Variants in ZNF324 observed in about 807,000 individuals in gnomAD.
The protein encoded by ZNF324 is zinc finger protein 324.
In ZNF324, 3 loss-of-function variants were observed where a neutral mutation model predicts 10.3. The ratio of observed to expected loss-of-function variants is 0.29; its 90% CI spans 0.13 to 0.75. The LOEUF (loss-of-function observed/expected upper bound fraction) is 0.75. Ranked by LOEUF, ZNF324 falls within the 30% of genes least tolerant of loss-of-function variation. ZNF324 has a pLI of 0.69. For missense variants in ZNF324, 763 were observed against 784.4 expected (o/e 0.97, Z 0.33); for synonymous variants, 430 against 339.5 (o/e 1.27, Z -2.93).
chr19:58,472,408 G>C lies in ZNF324; in HGVS notation c.*254G>C, dbSNP rs2053045112. The C allele has an allele frequency of 1.9e-6, 1 of 530,268 alleles. No homozygotes were observed. The highest frequency in any genetic ancestry group is 3.4e-6 in the Non-Finnish European group (1 of 298,482). The allele number at this position is 530,268 out of a possible 1,614,324, so 32.8% of individuals were successfully genotyped here. ...GTGGTGGCTGAACTCTAGTGGGGCC[G>C]AGACTATTCAGAGCCAGTAGGAGGC... On this transcript the variant is annotated 3_prime_UTR_variant, in exon 4 of 4. Coordinates refer to ENST00000196482, the MANE Select transcript of ZNF324 (RefSeq NM_014347.3).
intron 2 of ZNF324, 21 bp downstream of exon 2, chr19:58,469,327 T>G (rs2053007749): frequency 1.2e-6 from 2 of 1,609,774 alleles, no homozygotes; most frequent in African/African-American, 2.7e-5. Context: ...AGATACTCCA[T>G]GAAATGGGCA....
chr19:58,469,929 CCCT>C, intron 3 of ZNF324, 85 bp downstream of exon 3: 1 of 1,005,018 alleles, frequency 1.0e-6, no homozygotes, highest in Non-Finnish European at 1.5e-6. Flanking sequence ...CCCAGAAGCA[CCCT>C]CCTCCCCTCC....
Position 58,475,194 on chromosome 19 carries a change from C to G in ZNF324, c.*3040C>G, listed in dbSNP as rs3794969. The stretch of plus-strand genomic sequence containing the variant: ...ATGCTCGGTGCTTCCAATCGGTGAT[C>G]AAGACCACTGCTCTTCATCCAGAGC... On this transcript the variant is annotated 3_prime_UTR_variant, in exon 4 of 4. Coordinates refer to ENST00000196482, the MANE Select transcript of ZNF324 (RefSeq NM_014347.3). 1 of 152,152 alleles carries G rather than the reference C, an allele frequency of 6.6e-6. No individual in the cohort carries two copies. The highest frequency in any genetic ancestry group is 1.5e-5 in the Non-Finnish European group (1 of 68,038). 9.4% of individuals were successfully genotyped at this position (152,152 alleles called of 1,614,324 possible).
Position 58,472,131 on chromosome 19 carries a change from G to T in ZNF324, c.1639G>T (p.Val547Phe). Residue 547 changes from valine (V) to phenylalanine (F), a missense_variant, in exon 4 of 4, where the codon GTC becomes TTC. By Grantham distance (50) the Val-to-Phe change is conservative (BLOSUM62 -1). Coordinates refer to ENST00000196482, the MANE Select transcript of ZNF324 (RefSeq NM_014347.3). ...CACTCCCGCCTCGGGCCCAGCCGCC[G>T]TCTCGCAGCCAGCGGAGGTCTGAGG... is the stretch of plus-strand genomic sequence containing the variant. Reference protein sequence around the residue: ...EPTPASGPAAVSQPAEV With the variant: ...EPTPASGPAAFSQPAEV 1 of 1,587,490 alleles carries T rather than the reference G, an allele frequency of 6.3e-7. No individual in the cohort carries two copies. The highest frequency in any genetic ancestry group is 8.6e-7 in the Non-Finnish European group (1 of 1,168,172).
intron 1 of ZNF324, chr19:58,467,444 G>A (rs2052991532): frequency 6.6e-6 from 1 of 152,216 alleles, no homozygotes. Flanking sequence ...GGAAAGGCTG[G>A]GTGGTCCACG....
chr19:58,471,998 C>G lies in ZNF324; in HGVS notation c.1506C>G (p.Ile502Met). 6.2e-7 allele frequency: 1 copy of G among 1,608,504 alleles called. No homozygotes were observed. Among genetic ancestry groups the G allele is most frequent in the Non-Finnish European group, 8.5e-7 (1 of 1,179,712 alleles). The change falls in exon 4 of 4, where the codon ATC becomes ATG. Residue 502 changes from isoleucine (I) to methionine (M), a missense_variant. Physicochemically the swap from Ile to Met is conservative, Grantham distance 10 (BLOSUM62 1). This residue lies in a region of ZNF324 where 231 missense variants were observed against 196.0 expected (regional missense o/e 1.18). Transcript: ENST00000196482. Reference protein sequence around the residue: ...ERPALFHHQRIHTGEKTVRRS... With the variant: ...ERPALFHHQRMHTGEKTVRRS... Reference sequence around the variant, plus strand: ...CGGCCCTCTTCCACCACCAGAGGATCCATACCGGCGAGAAGACCGTCCGGC... The same window carrying G: ...CGGCCCTCTTCCACCACCAGAGGATGCATACCGGCGAGAAGACCGTCCGGC...
chr19:58,470,939 A>C lies in ZNF324; in HGVS notation c.447A>C (p.Leu149=). The change falls in exon 4 of 4, where the codon CTA becomes CTC. Residue 149 remains leucine (L), a synonymous_variant. Coordinates refer to ENST00000196482, the MANE Select transcript of ZNF324 (RefSeq NM_014347.3). The stretch of plus-strand genomic sequence containing the variant: ...TGATCTACTGGGAGAGGCTCCTGCT[A>C]GGCTCAGGCAGTGGGCAAGCCAGCG... The part of the protein sequence containing the change: ...VSVIYWERLL[L]GSGSGQASVS... 6.2e-7 allele frequency: 1 copy of C among 1,614,212 alleles called. No homozygotes were observed. The highest frequency in any genetic ancestry group is 8.5e-7 in the Non-Finnish European group (1 of 1,180,038).
intron 1 of ZNF324, among the ~76,000 whole-genome samples, 181 bp from the exon 2 acceptor site, chr19:58,468,999 T>C (rs1366079639): frequency 6.6e-6 from 1 of 152,242 alleles, no homozygotes; most frequent in Non-Finnish European, 1.5e-5. Context: ...GTTCGTGAAC[T>C]TTCTTAAAAC....
Position 58,471,424 on chromosome 19 carries a change from C to A in ZNF324, c.932C>A (p.Thr311Lys), listed in dbSNP as rs778826190. The A allele has an allele frequency of 6.2e-7, 1 of 1,607,200 alleles. No homozygotes were observed. The highest frequency in any genetic ancestry group is 1.1e-5 in the South Asian group (1 of 90,130). The change falls in exon 4 of 4, where the codon ACG becomes AAG. Residue 311 changes from threonine to lysine, a missense_variant. Transcript: ENST00000196482. ...TQHQRIHSGE[T>K]PYACPVCGKA... is the part of the protein sequence containing the mutation. ...CACCAGCGCATCCACAGCGGCGAGA[C>A]GCCCTACGCGTGCCCCGTGTGCGGC...
rs546419468 is a variant in ZNF324, at chr19:58,473,536, T to C, written c.*1382T>C. The C allele has an allele frequency of 1.3e-5, 2 of 152,284 alleles. No homozygotes were observed. Among genetic ancestry groups the C allele is most frequent in the African/African-American group, 4.8e-5 (2 of 41,550 alleles). The allele number at this position is 152,284 out of a possible 1,614,324, so 9.4% of individuals were successfully genotyped here. ...ACTCCAGAGCATGGTTCAGTCTTAATAGCAGTTCAAGAGCTTCTCTGATAA... is the reference window on the plus strand; with the variant it reads ...ACTCCAGAGCATGGTTCAGTCTTAACAGCAGTTCAAGAGCTTCTCTGATAA... On this transcript the variant is annotated 3_prime_UTR_variant, in exon 4 of 4. Coordinates refer to ENST00000196482, the MANE Select transcript of ZNF324 (RefSeq NM_014347.3).
chr19:58,471,605 C>T lies in ZNF324; in HGVS notation c.1113C>T (p.Cys371=), dbSNP rs2053033673. 1 of 1,605,872 alleles carries T rather than the reference C, an allele frequency of 6.2e-7. No individual in the cohort carries two copies. The highest frequency in any genetic ancestry group is 8.5e-7 in the Non-Finnish European group (1 of 1,178,040). ...KIHAGGRPYA[C]AQCGRRFCRN... ...ACGCGGGTGGGCGTCCTTATGCTTGCGCACAGTGTGGCCGCCGCTTCTGCC... is the reference window on the plus strand; with the variant it reads ...ACGCGGGTGGGCGTCCTTATGCTTGTGCACAGTGTGGCCGCCGCTTCTGCC... Residue 371 remains cysteine (C), a synonymous_variant, in exon 4 of 4, where the codon TGC becomes TGT. Transcript: ENST00000196482.
rs1040559964 is a variant in ZNF324 at position 58,472,221 on chromosome 19, A to T, written c.*67A>T. The T allele has an allele frequency of 2.8e-6, 4 of 1,435,368 alleles. No homozygotes were observed. The African/African-American group carries it at 5.7e-5, about 20-fold the overall frequency. 88.9% of individuals were successfully genotyped at this position (1,435,368 alleles called of 1,614,324 possible). A position where few individuals can be genotyped will look rare whatever the true frequency, so the allele number is the denominator to read the frequency against. ...CAGCTAAAGGGCATATGTCCTCTGC[A>T]GATCCACAGCAGAGAAAAAGTCCCG... On this transcript the variant is annotated 3_prime_UTR_variant, in exon 4 of 4. Transcript: ENST00000196482.
rs2053032683 is a variant in ZNF324, at chr19:58,471,510, T to G, written c.1018T>G (p.Ser340Ala). Reference protein sequence around the residue: ...RHQRIHTAEKSFRCSECGKAF... With the variant: ...RHQRIHTAEKAFRCSECGKAF... ...CCAGCGCATCCACACGGCCGAGAAG[T>G]CCTTCCGCTGCTCCGAGTGCGGCAA... is the stretch of plus-strand genomic sequence containing the variant. The change falls in exon 4 of 4, where the codon TCC (serine) becomes GCC (alanine). Residue 340 changes from serine (S) to alanine (A), a missense_variant. By Grantham distance (99) the Ser-to-Ala change is moderately conservative. Around this residue, in one of 3 missense-constraint regions of ZNF324, gnomAD observed 153 missense variants for 269.0 expected, o/e 0.57. Coordinates refer to ENST00000196482, the MANE Select transcript of ZNF324 (RefSeq NM_014347.3). The G allele has an allele frequency of 2.5e-6, 4 of 1,574,464 alleles. No individual in the cohort carries two copies. In the East Asian group the frequency reaches 9.3e-5, roughly 37 times the overall value.
Position 58,474,548 on chromosome 19 carries a change from C to A in ZNF324, c.*2394C>A, listed in dbSNP as rs2053064852. 1.3e-5 allele frequency: 2 copies of A among 152,134 alleles called. No individual in the cohort carries two copies. The highest frequency in any genetic ancestry group is 6.6e-5 in the Admixed American group (1 of 15,240). The allele number at this position is 152,134 out of a possible 1,614,324, so 9.4% of individuals were successfully genotyped here. On this transcript the variant is annotated 3_prime_UTR_variant, in exon 4 of 4. Coordinates refer to ENST00000196482, the MANE Select transcript of ZNF324 (RefSeq NM_014347.3). ...TCCTCCAATCTTCCCCTCCCCAAAC[C>A]CATGACTGATCAGTGGCCCCCAACC... is the stretch of plus-strand genomic sequence containing the variant.
Position 58,471,108 on chromosome 19 carries a change from A to G in ZNF324, c.616A>G (p.Thr206Ala), listed in dbSNP as rs762014538. 8.7e-6 allele frequency: 14 copies of G among 1,613,740 alleles called. No individual in the cohort carries two copies. Among genetic ancestry groups the G allele is most frequent in the Admixed American group, 5.0e-5 (3 of 60,024 alleles). ...KPCAQEVPGR[T>A]FGSAQDLEAA... is the part of the protein sequence containing the mutation. ...ATGTGCACAGGAGGTCCCTGGGAGA[A>G]CCTTTGGGAGCGCCCAGGACCTGGA... The change falls in exon 4 of 4, where the codon ACC (threonine) becomes GCC (alanine). Residue 206 changes from threonine to alanine, a missense_variant. Physicochemically the swap from Thr to Ala is moderately conservative, Grantham distance 58 (BLOSUM62 0). Transcript: ENST00000196482.
chr19:58,474,273 G>C lies in ZNF324; in HGVS notation c.*2119G>C, dbSNP rs182662961. 5.3e-5 allele frequency: 8 copies of C among 152,364 alleles called. No individual in the cohort carries two copies. The highest frequency in any genetic ancestry group is 4.6e-4 in the Admixed American group (7 of 15,304). The allele number at this position is 152,364 out of a possible 1,614,324, so 9.4% of individuals were successfully genotyped here. On this transcript the variant is annotated 3_prime_UTR_variant, in exon 4 of 4. Coordinates refer to ENST00000196482, the MANE Select transcript of ZNF324 (RefSeq NM_014347.3). ...CAATAACCCTTCCCTGCCTGAAAGA[G>C]CACTTTTCTGGGGAGCCCATGGGAG...
intron 1 of ZNF324, chr19:58,468,326 C>T (rs2052999466): frequency 4.7e-6 from 4 of 849,320 alleles, no homozygotes; most frequent in Non-Finnish European, 5.7e-6. Flanking sequence ...AGCTGGGATG[C>T]CTGGGGCTAT....
In ZNF324 at chr19:58,471,802, G is replaced by A. The variant is rs1400746704; in HGVS notation, c.1310G>A (p.Ser437Asn). ...CAGTGCGGCCGCGCCTTTAGCCACA[G>A]CTCCAACCTCACCCAGCACCAGCTC... is the stretch of plus-strand genomic sequence containing the variant. ...CPQCGRAFSHSSNLTQHQLLH... is the reference protein window; with the variant it reads ...CPQCGRAFSHNSNLTQHQLLH... The change falls in exon 4 of 4, where the codon AGC (serine) becomes AAC (asparagine). Residue 437 changes from serine to asparagine, a missense_variant. By Grantham distance (46) the Ser-to-Asn change is conservative. Around this residue, in one of 3 missense-constraint regions of ZNF324, gnomAD observed 231 missense variants for 196.0 expected, o/e 1.18. Coordinates refer to ENST00000196482, the MANE Select transcript of ZNF324 (RefSeq NM_014347.3). The A allele has an allele frequency of 2.5e-6, 4 of 1,613,046 alleles. No individual in the cohort carries two copies. Among genetic ancestry groups the A allele is most frequent in the Non-Finnish European group, 3.4e-6 (4 of 1,179,890 alleles).
chr19:58,472,429 G>A lies in ZNF324; in HGVS notation c.*275G>A, dbSNP rs1323585059. 1 of 491,696 alleles carries A rather than the reference G, an allele frequency of 2.0e-6. No individual in the cohort carries two copies. Among genetic ancestry groups the A allele is most frequent in the Non-Finnish European group, 3.6e-6 (1 of 275,010 alleles). The allele number at this position is 491,696 out of a possible 1,614,324, so 30.5% of individuals were successfully genotyped here. On this transcript the variant is annotated 3_prime_UTR_variant, in exon 4 of 4. Transcript: ENST00000196482. ...GGCCGAGACTATTCAGAGCCAGTAG[G>A]AGGCCGACAGTCACAGCACTGCACT...
Sources: allele counts gnomAD v4.1 joint callset (sites outside exome capture counted in the v4.1 genomes callset), GRCh38; gene constraint gnomAD v4.1.1; regional missense constraint gnomAD v4.1.1; transcripts MANE v1.5; gene names NCBI Gene and HGNC (gene_info 2026-07-23, HGNC 2026-07-21).